The following CACNA2D3 variants were observed in gnomAD, a reference collection of about 807,000 sequenced individuals.
CACNA2D3 encodes calcium voltage-gated channel auxiliary subunit alpha2delta 3.
In CACNA2D3, 60 loss-of-function variants were observed where a neutral mutation model predicts 160.6. That is an observed-to-expected ratio of 0.37 (90% CI 0.30 to 0.46). CACNA2D3 has a LOEUF of 0.46. Ranked by LOEUF, CACNA2D3 falls within the 20% of genes least tolerant of loss-of-function variation. CACNA2D3 has a pLI of 1.00. For missense variants in CACNA2D3, 1,205 were observed against 1,365.0 expected (o/e 0.88, Z 1.85); for synonymous variants, 558 against 492.9 (o/e 1.13, Z -1.75).
chr3:54,863,027 T>G (rs529525571), intron 17 of CACNA2D3, among the ~76,000 whole-genome samples: 2 of 152,234 alleles, frequency 1.3e-5, no homozygotes, highest in African/African-American at 4.8e-5. Flanking sequence ...TTTTAAAAAG[T>G]TACCTGCCAA....
At chr3:54,860,764 G>A (rs1239038503) in intron 17 of CACNA2D3, among the ~76,000 whole-genome samples, 3 of 152,164 alleles carry the variant, frequency 2.0e-5, no homozygotes, top group Non-Finnish European at 4.4e-5. Context: ...ATGGAGCAGA[G>A]CAGTCTCTGA....
At chr3:54,198,009 A>T (rs1368774762) in intron 2 of CACNA2D3, among the ~76,000 whole-genome samples, 1 of 152,202 alleles carries the variant, frequency 6.6e-6, no homozygotes, top group Non-Finnish European at 1.5e-5. Flanking sequence ...TTTGGACGTG[A>T]TGAAAGTAAA....
intron 29 of CACNA2D3, 21 bp from the exon 30 acceptor site, chr3:54,984,587 G>GTT: frequency 2.6e-5 from 35 of 1,337,062 alleles, no homozygotes; most frequent in African/African-American, 2.4e-4. Flanking sequence ...TTTTGTTTTT[G>GTT]TTTTTTTTTT....
chr3:54,941,744 A>G (rs1466564937), intron 27 of CACNA2D3, among the ~76,000 whole-genome samples: 3 of 152,212 alleles, frequency 2.0e-5, no homozygotes, highest in Non-Finnish European at 4.4e-5. Context: ...GAGGGTTCGC[A>G]TGGATGTCTT....
chr3:54,320,613 G>A (rs1490238572), intron 3 of CACNA2D3, 55 bp downstream of exon 3: 1 of 882,158 alleles, frequency 1.1e-6, no homozygotes, highest in African/African-American at 1.7e-5. Context: ...GGCAGCTTCA[G>A]GGGATGGCAT....
intron 2 of CACNA2D3, among the ~76,000 whole-genome samples, chr3:54,135,433 G>T (rs948564438): frequency 4.6e-5 from 7 of 152,330 alleles, no homozygotes; most frequent in African/African-American, 1.7e-4. Flanking sequence ...AGGCACAATG[G>T]TCTGCTCTCT....
chr3:54,503,509 T>C lies in CACNA2D3; in HGVS notation c.399T>C (p.Ala133=), dbSNP rs1701324718. 1.9e-6 allele frequency: 3 copies of C among 1,613,852 alleles called. No homozygotes were observed. The highest frequency in any genetic ancestry group is 2.2e-5 in the East Asian group (1 of 44,898). The change falls in exon 5 of 38, where the codon GCT becomes GCC. Residue 133 remains alanine (A), a synonymous_variant. Coordinates refer to ENST00000474759, the MANE Select transcript of CACNA2D3 (RefSeq NM_018398.3). ...TCTTTCAGTATGAATACTTCAATGC[T>C]GTGCTGATAAATGAAAGGGACAAAG... ...DADLQYEYFN[A]VLINERDKDG...
intron 4 of CACNA2D3, among the ~76,000 whole-genome samples, chr3:54,484,247 C>G (rs1461865961): frequency 6.6e-6 from 1 of 152,122 alleles, no homozygotes; most frequent in Admixed American, 6.6e-5. Flanking sequence ...CTAAATATGT[C>G]TAGAAAAACT....
intron 32 of CACNA2D3, among the ~76,000 whole-genome samples, chr3:55,006,585 C>T (rs2107140983): frequency 6.6e-6 from 1 of 152,336 alleles, no homozygotes; most frequent in East Asian, 1.9e-4. Flanking sequence ...TGACCCTAAT[C>T]CTGGCGGCCC....
At chr3:54,298,072 C>T (rs1366036431) in intron 2 of CACNA2D3, among the ~76,000 whole-genome samples, 1 of 152,204 alleles carries the variant, frequency 6.6e-6, no homozygotes, top group Non-Finnish European at 1.5e-5. Flanking sequence ...GATGAATGAG[C>T]GTAAGCCAAA....
chr3:54,626,682 GTCA>G (rs1699117072), intron 9 of CACNA2D3: 3 of 312,060 alleles, frequency 9.6e-6, no homozygotes, highest in Admixed American at 9.4e-5. Flanking sequence ...CATGGTTCCA[GTCA>G]AAAAAAAAAA....
chr3:54,965,628 C>A (rs1702130485), intron 27 of CACNA2D3, among the ~76,000 whole-genome samples: 1 of 152,104 alleles, frequency 6.6e-6, no homozygotes, highest in Non-Finnish European at 1.5e-5. Flanking sequence ...TGAAGTTGAT[C>A]CATCAATGAA....
chr3:54,216,295 A>G (rs938542044), intron 2 of CACNA2D3, among the ~76,000 whole-genome samples: 56 of 152,216 alleles, frequency 3.7e-4, no homozygotes, highest in Admixed American at 1.1e-3. Context: ...TTTGGTATCA[A>G]TCTTCTTGCA....
At chr3:54,577,328 G>T (rs777164588) in intron 8 of CACNA2D3, among the ~76,000 whole-genome samples, 14 of 152,176 alleles carry the variant, frequency 9.2e-5, no homozygotes, top group Non-Finnish European at 1.8e-4. Flanking sequence ...ATCTGCCAAA[G>T]ACCCCGGTCC....
In CACNA2D3 at chr3:54,683,962, C is replaced by CTTTT. The variant is rs61481695; in HGVS notation, c.1167+41743_1167+41746dup. Reference sequence around the variant, plus strand: ...TGTGTGTCTGTGCCCAAATTTCCACCTTTTTTTTTTTTTTTTTTTTTTTTT... The same window carrying CTTTT: ...TGTGTGTCTGTGCCCAAATTTCCACCTTTTTTTTTTTTTTTTTTTTTTTTTTTTT... On this transcript the variant is annotated intron_variant, in intron 11 of 37. Transcript: ENST00000474759. Among the ~76,000 whole-genome samples, 98 of 110,808 alleles carry CTTTT rather than the reference C, an allele frequency of 8.8e-4. 1 individual carries two copies. Among genetic ancestry groups the CTTTT allele is most frequent in the African/African-American group, 3.7e-3 (85 of 23,212 alleles). The allele number at this position is 110,808 out of a possible 152,430, so 72.7% of individuals were successfully genotyped here. A position where few individuals can be genotyped will look rare whatever the true frequency, so the allele number is the denominator to read the frequency against.
chr3:54,185,093 A>G (rs1184865142), intron 2 of CACNA2D3, among the ~76,000 whole-genome samples: 1 of 152,214 alleles, frequency 6.6e-6, no homozygotes, highest in Non-Finnish European at 1.5e-5. Context: ...TTGACAGGAT[A>G]GTAATGAACC....
chr3:54,954,447 T>C (rs1409780129), intron 27 of CACNA2D3, among the ~76,000 whole-genome samples: 1 of 152,228 alleles, frequency 6.6e-6, no homozygotes, highest in African/African-American at 2.4e-5. Flanking sequence ...CTCACTGCTC[T>C]GGTAGTTTCC....
chr3:54,769,491 G>C (rs1233294498), intron 13 of CACNA2D3, among the ~76,000 whole-genome samples: 2 of 152,092 alleles, frequency 1.3e-5, no homozygotes, highest in African/African-American at 2.4e-5. Flanking sequence ...TCCCAGGTTT[G>C]AATTGCATGC....
chr3:55,002,610 C>T (rs1016943012), intron 31 of CACNA2D3, among the ~76,000 whole-genome samples: 3 of 152,222 alleles, frequency 2.0e-5, no homozygotes, highest in African/African-American at 7.2e-5. Context: ...GTCTTCGTTT[C>T]TGTTTGTGTA....
Sources: gnomAD v4.1 joint callset for allele counts (sites outside exome capture counted in the v4.1 genomes callset) on GRCh38, gnomAD v4.1.1 for gene constraint, MANE v1.5 for transcripts, NCBI Gene and HGNC (gene_info 2026-07-23, HGNC 2026-07-21) for gene names.